SPECC1: variants seen among roughly 807,000 people sequenced by gnomAD.
The protein encoded by SPECC1 is sperm antigen with calponin homology and coiled-coil domains 1.
Under a neutral mutation model 104.1 loss-of-function variants are expected in SPECC1, and 62 were observed. That is an observed-to-expected ratio of 0.60 (90% CI 0.49 to 0.74). SPECC1 has a LOEUF of 0.74. Among genes scored for constraint, SPECC1 ranks in the 30% least tolerant of loss-of-function variants. The probability of loss-of-function intolerance (pLI) is 0.00; values close to 1 mark genes in which losing one functional copy is unlikely to be tolerated. For missense variants in SPECC1, 1,306 were observed against 1,310.5 expected (o/e 1.00, Z 0.05); for synonymous variants, 513 against 501.6 (o/e 1.02, Z -0.30).
chr17:20,145,753 C>T (rs939195724), intron 3 of SPECC1, among the ~76,000 whole-genome samples: 2 of 152,094 alleles, frequency 1.3e-5, no homozygotes, highest in African/African-American at 4.8e-5. Flanking sequence ...AACAGGCCAC[C>T]TTCTCTCAGG....
rs2042025646 is a variant in SPECC1 at position 20,315,261 on chromosome 17, A to C, written c.*1196A>C. 8.6e-6 allele frequency: 2 copies of C among 232,506 alleles called. No individual in the cohort carries two copies. The highest frequency in any genetic ancestry group is 1.7e-5 in the Non-Finnish European group (2 of 117,644). 14.4% of individuals were successfully genotyped at this position (232,506 alleles called of 1,614,324 possible). A position where few individuals can be genotyped will look rare whatever the true frequency, so the allele number is the denominator to read the frequency against. On this transcript the variant is annotated 3_prime_UTR_variant, in exon 15 of 15. Coordinates refer to ENST00000395527, the MANE Select transcript of SPECC1 (RefSeq NM_001243439.2). ...TTTCATCGGCATGGGAAAAGCCCTT[A>C]GGGGTGGGCGGTGAGGGCACATTTA...
chr17:20,294,273 T>G (rs11653869), intron 12 of SPECC1, among the ~76,000 whole-genome samples: 64,583 of 152,114 alleles, frequency 0.42, 14,340 homozygotes, highest in East Asian at 0.8. Context: ...TGAGCCACCA[T>G]GCCCAGCTAG....
intron 3 of SPECC1, among the ~76,000 whole-genome samples, chr17:20,176,802 A>G (rs1057490565): frequency 3.3e-5 from 5 of 152,214 alleles, no homozygotes; most frequent in African/African-American, 1.2e-4. Context: ...TATTGAGCCC[A>G]GCAGAGAATT....
At chr17:20,306,409 A>G (rs1236795260) in intron 14 of SPECC1, among the ~76,000 whole-genome samples, 1 of 152,232 alleles carries the variant, frequency 6.6e-6, no homozygotes, top group Non-Finnish European at 1.5e-5. Flanking sequence ...CTAAGCTCTT[A>G]ATAAAGAATG....
chr17:20,100,583 A>G (rs562923833), intron 2 of SPECC1, among the ~76,000 whole-genome samples: 4 of 152,368 alleles, frequency 2.6e-5, no homozygotes, highest in African/African-American at 9.6e-5. Context: ...AGGAACACTG[A>G]GACAAATCCA....
chr17:20,304,412 G>T (rs1177078363), intron 13 of SPECC1, among the ~76,000 whole-genome samples: 1 of 152,090 alleles, frequency 6.6e-6, no homozygotes, highest in East Asian at 1.9e-4. Flanking sequence ...AATGAATTTT[G>T]GAATGGGAGA....
In SPECC1 at chr17:20,216,974, G is replaced by A. The variant is rs529960563; in HGVS notation, c.1864-10439G>A. The stretch of plus-strand genomic sequence containing the variant: ...CGGAGTTCAGCCTAAGCAACATAGC[G>A]AGACCCCATGTCTTAAAAAAAAGAA... On this transcript the variant is annotated intron_variant, in intron 4 of 14. Coordinates refer to ENST00000395527, the MANE Select transcript of SPECC1 (RefSeq NM_001243439.2). 5.3e-4 allele frequency among the ~76,000 whole-genome samples: 81 copies of A among 151,832 alleles called. 2 individuals are homozygous for A. In the South Asian group the frequency reaches 0.016, roughly 30 times the overall value.
At chr17:20,195,149 G>T (rs1034678492) in intron 3 of SPECC1, among the ~76,000 whole-genome samples, 6 of 152,038 alleles carry the variant, frequency 3.9e-5, no homozygotes, top group Non-Finnish European at 7.4e-5. Flanking sequence ...CCTCTATTCT[G>T]TTGTTACGCT....
chr17:20,090,584 A>T (rs1197838878), intron 1 of SPECC1, among the ~76,000 whole-genome samples: 6 of 120,442 alleles, frequency 5.0e-5, no homozygotes, highest in Non-Finnish European at 1.1e-4. Context: ...ACCATTTTAC[A>T]CTATTCCAAA....
At chr17:20,159,552 T>C (rs747648836) in intron 3 of SPECC1, among the ~76,000 whole-genome samples, 21 of 152,198 alleles carry the variant, frequency 1.4e-4, no homozygotes, top group Admixed American at 9.2e-4. Flanking sequence ...CTGGGGTGTT[T>C]CTAAGGCAGA....
chr17:20,093,952 A>G (rs1555605131), intron 1 of SPECC1, among the ~76,000 whole-genome samples: 1 of 150,612 alleles, frequency 6.6e-6, no homozygotes, highest in Non-Finnish European at 1.5e-5. Flanking sequence ...GCTGGTCTCG[A>G]ACTCCTGAGC....
chr17:20,051,234 G>A (rs1018127110), intron 1 of SPECC1, among the ~76,000 whole-genome samples: 12 of 150,978 alleles, frequency 7.9e-5, no homozygotes, highest in African/African-American at 2.9e-4. Flanking sequence ...GGAGTGCAGT[G>A]GTGCAATCTT....
At chr17:20,086,108 G>C (rs1305510257) in intron 1 of SPECC1, among the ~76,000 whole-genome samples, 1 of 152,202 alleles carries the variant, frequency 6.6e-6, no homozygotes, top group South Asian at 2.1e-4. Flanking sequence ...GACACTGAAG[G>C]CCTCTGCTGC....
At chr17:20,028,953 G>C (rs759869852) in intron 1 of SPECC1, among the ~76,000 whole-genome samples, 2 of 151,946 alleles carry the variant, frequency 1.3e-5, no homozygotes, top group African/African-American at 2.4e-5. Flanking sequence ...GAAGAGATAG[G>C]GTTTCTCCAT....
Position 20,251,575 on chromosome 17 carries a change from TG to T in SPECC1, c.2599-1929del, listed in dbSNP as rs750199462. On this transcript the variant is annotated intron_variant, in intron 9 of 14. Coordinates refer to ENST00000395527, the MANE Select transcript of SPECC1 (RefSeq NM_001243439.2). ...ACATGGAATTGTGTTTAATATGCTA[TG>T]AAGTAGAGCCTCTAAGAGAAAATAA... Among the ~76,000 whole-genome samples the T allele has an allele frequency of 2.6e-5, 4 of 152,340 alleles. No homozygotes were observed. The South Asian group carries it at 8.3e-4, about 32-fold the overall frequency.
chr17:20,055,687 C>T (rs1247451457), intron 1 of SPECC1, among the ~76,000 whole-genome samples: 1 of 152,198 alleles, frequency 6.6e-6, no homozygotes, highest in Non-Finnish European at 1.5e-5. Context: ...CATTGTTTTT[C>T]ACTAAAGGCA....
At chr17:20,021,188 G>A (rs1212949514) in intron 1 of SPECC1, among the ~76,000 whole-genome samples, 1 of 151,946 alleles carries the variant, frequency 6.6e-6, no homozygotes, top group East Asian at 1.9e-4. Context: ...AAGAGGGGTT[G>A]GTCTTGCTGT....
chr17:20,158,414 G>A (rs923644341), intron 3 of SPECC1, among the ~76,000 whole-genome samples: 4 of 152,216 alleles, frequency 2.6e-5, no homozygotes, highest in Admixed American at 1.3e-4. Context: ...AGACCAGCCT[G>A]GGCAAGGAAA....
In SPECC1 at chr17:20,128,733, T is replaced by C. The variant is rs550186133; in HGVS notation, c.283+18171T>C. Among the ~76,000 whole-genome samples the C allele has an allele frequency of 3.3e-5, 5 of 152,260 alleles. No individual in the cohort carries two copies. The South Asian group carries it at 1.0e-3, about 32-fold the overall frequency. On this transcript the variant is annotated intron_variant, in intron 3 of 14. Transcript: ENST00000395527. ...TCCCAGCTTCCCCCAAGTTCTACTT[T>C]AGTATTTTCTCATTTTTATCACTTT...
Sources: gnomAD v4.1 joint callset for allele counts (sites outside exome capture counted in the v4.1 genomes callset) on GRCh38, gnomAD v4.1.1 for gene constraint, MANE v1.5 for transcripts, NCBI Gene and HGNC (gene_info 2026-07-23, HGNC 2026-07-21) for gene names.